The following LRRC18 variants were observed in gnomAD, a reference collection of about 807,000 sequenced individuals.
LRRC18 encodes leucine rich repeat containing 18.
LRRC18 carries 12 observed loss-of-function variants against 11.2 expected under a neutral mutation model. The ratio of observed to expected loss-of-function variants is 1.07; its 90% CI spans 0.69 to 1.74. The LOEUF is 1.74. Among genes scored for constraint, LRRC18 ranks in the 40% most tolerant of loss-of-function variants. The pLI is 0.00. For synonymous variants in LRRC18, 155 were observed against 130.6 expected (o/e 1.19, Z -1.27); for missense variants, 374 against 330.5 (o/e 1.13, Z -1.02).
chr10:48,923,496 G>GTATATATATATATATATATATATATATA, the LRRC18 span, among the ~76,000 whole-genome samples: 1,322 of 62,544 alleles, frequency 0.021, 129 homozygotes, highest in African/African-American at 0.033. Flanking sequence ...ATAGTTTTTA[G>GTATATATATATATATATATATATATATA]TATATATATA....
the LRRC18 span, among the ~76,000 whole-genome samples, chr10:48,933,320 C>CTCCA: frequency 6.6e-6 from 1 of 152,226 alleles, no homozygotes; most frequent in Non-Finnish European, 1.5e-5. Flanking sequence ...AATCTAGTCA[C>CTCCA]TCCACTTCAC....
upstream of LRRC18, among the ~76,000 whole-genome samples, chr10:48,918,019 A>C (rs1421433127): frequency 6.6e-6 from 1 of 152,220 alleles, no homozygotes; most frequent in Non-Finnish European, 1.5e-5. Context: ...TGAAAGGTTA[A>C]TTTTAAGCAG....
the LRRC18 span, among the ~76,000 whole-genome samples, chr10:48,934,538 TC>T: frequency 1.3e-5 from 2 of 152,216 alleles, no homozygotes; most frequent in African/African-American, 2.4e-5. Context: ...TTCCTGTGTG[TC>T]CCATGAAGAA....
chr10:48,928,283 G>A, the LRRC18 span, among the ~76,000 whole-genome samples: 1 of 152,148 alleles, frequency 6.6e-6, no homozygotes, highest in African/African-American at 2.4e-5. Context: ...CCTGTAAAGA[G>A]GATGTAAAAG....
the LRRC18 span, among the ~76,000 whole-genome samples, chr10:48,919,351 C>A: frequency 2.3e-3 from 349 of 152,130 alleles, 1 homozygote; most frequent in African/African-American, 8.2e-3. Context: ...GAATGAAAAC[C>A]CAAATAGACC....
exon 2 of LRRC18, chr10:48,910,092 A>G: frequency 2.8e-6 from 2 of 708,434 alleles, no homozygotes; most frequent in South Asian, 3.3e-5. Context: ...TTTGAGAAGC[A>G]AGTCGGTGGC....
chr10:48,929,691 C>T, the LRRC18 span, among the ~76,000 whole-genome samples: 1 of 152,200 alleles, frequency 6.6e-6, no homozygotes, highest in African/African-American at 2.4e-5. Flanking sequence ...ACTCACTTAG[C>T]CTACTGCCTA....
chr10:48,928,483 A>T, the LRRC18 span, among the ~76,000 whole-genome samples: 1 of 151,980 alleles, frequency 6.6e-6, no homozygotes, highest in Non-Finnish European at 1.5e-5. Flanking sequence ...GTGCCAGCCC[A>T]GTAGAAACCC....
chr10:48,912,300 C>T (rs1838077686), intron 1 of LRRC18, among the ~76,000 whole-genome samples: 1 of 152,200 alleles, frequency 6.6e-6, no homozygotes. Flanking sequence ...GTACGTTCTC[C>T]ATGTGCTGCC....
intron 1 of LRRC18, 116 bp from the exon 4 acceptor site, chr10:48,910,374 G>T: frequency 1.1e-6 from 1 of 884,660 alleles, no homozygotes. Flanking sequence ...AGGATGGTCA[G>T]GTTAGTGTGA....
At chr10:48,936,998 C>A in the LRRC18 span, among the ~76,000 whole-genome samples, 1 of 151,854 alleles carries the variant, frequency 6.6e-6, no homozygotes, top group African/African-American at 2.4e-5. Context: ...CGGCTCACTG[C>A]AAACTTCACC....
chr10:48,926,131 G>T, the LRRC18 span, among the ~76,000 whole-genome samples: 1 of 152,172 alleles, frequency 6.6e-6, no homozygotes, highest in Non-Finnish European at 1.5e-5. Flanking sequence ...TCATCCTGGG[G>T]ATACATTGCT....
At chr10:48,924,138 C>G in the LRRC18 span, among the ~76,000 whole-genome samples, 3 of 152,186 alleles carry the variant, frequency 2.0e-5, no homozygotes, top group Non-Finnish European at 4.4e-5. Flanking sequence ...CTTCACCTCC[C>G]CAGGGAGTCT....
At chr10:48,926,364 A>C in the LRRC18 span, among the ~76,000 whole-genome samples, 2 of 152,208 alleles carry the variant, frequency 1.3e-5, no homozygotes, top group African/African-American at 4.8e-5. Flanking sequence ...GCTCCAGCCC[A>C]TTTTAATTTG....
At chr10:48,915,672 C>T (rs765447170), upstream of LRRC18, among the ~76,000 whole-genome samples, 9 of 152,194 alleles carry the variant, frequency 5.9e-5, no homozygotes, top group Admixed American at 1.3e-4. Flanking sequence ...GCCTGTCTCA[C>T]ACCTACTGAA....
the LRRC18 span, among the ~76,000 whole-genome samples, chr10:48,925,300 G>A: frequency 1.3e-5 from 2 of 152,144 alleles, no homozygotes; most frequent in Admixed American, 6.5e-5. Flanking sequence ...AGAGAGGCGG[G>A]GCTGTATCTT....
chr10:48,932,681 A>T, the LRRC18 span: 1 of 152,140 alleles, frequency 6.6e-6, no homozygotes, highest in Non-Finnish European at 1.5e-5. Flanking sequence ...AGAAAAAAAA[A>T]ACCAAGGAGC....
Position 48,913,374 on chromosome 10 carries a change from G to T in LRRC18, c.764+18C>A. On this transcript the variant is annotated intron_variant, in intron 1 of 1. Coordinates refer to ENST00000374160, the Ensembl canonical transcript of LRRC18. ...CCTCTCTCTTTCCCTTCTGCCTCAGGGTCAGGTTCCAAGTCACCTCCAGTC... is the reference window on the plus strand; with the variant it reads ...CCTCTCTCTTTCCCTTCTGCCTCAGTGTCAGGTTCCAAGTCACCTCCAGTC... 1 of 1,602,572 alleles carries T rather than the reference G, an allele frequency of 6.2e-7. No individual in the cohort carries two copies.
upstream of LRRC18, among the ~76,000 whole-genome samples, chr10:48,915,377 C>A (rs2133525829): frequency 6.6e-6 from 1 of 151,796 alleles, no homozygotes. Flanking sequence ...TCTGGGACCC[C>A]CTTTTCTTTT....
Sources: allele counts gnomAD v4.1 joint callset (sites outside exome capture counted in the v4.1 genomes callset), GRCh38; gene constraint gnomAD v4.1.1; transcripts MANE v1.5; gene names NCBI Gene and HGNC (gene_info 2026-07-23, HGNC 2026-07-21).